The following TENM2 variants were observed in gnomAD, a reference collection of about 807,000 sequenced individuals.
The protein encoded by TENM2 is teneurin-2.
In TENM2, 52 loss-of-function variants were observed where a neutral mutation model predicts 245.2. The observed-to-expected ratio is 0.21, with a 90% CI of 0.17 to 0.27. TENM2 has a LOEUF of 0.27. TENM2 is among the 10% of genes least tolerant of loss of function. TENM2 has a pLI of 1.00. For missense variants in TENM2, 3,046 were observed against 3,666.8 expected, an observed-to-expected ratio of 0.83 and a Z score of 4.37; for synonymous variants, 1,363 against 1,438.9, an observed-to-expected ratio of 0.95 and a Z score of 1.19.
chr5:168,118,440 G>T (rs770729054), exon 10 of TENM2: 1 of 1,605,394 alleles, frequency 6.2e-7, no homozygotes, highest in Non-Finnish European at 8.5e-7. Context: ...GCATTGATGG[G>T]AACTGTGTCT....
At chr5:167,678,435 G>A (rs1173294782) in intron 2 of TENM2, among the ~76,000 whole-genome samples, 2 of 152,078 alleles carry the variant, frequency 1.3e-5, no homozygotes, top group Admixed American at 1.3e-4. Flanking sequence ...CTGAAGATTG[G>A]TAAAAATAGC....
chr5:167,489,723 C>T (rs528501882), intron 2 of TENM2, among the ~76,000 whole-genome samples: 6 of 152,114 alleles, frequency 3.9e-5, no homozygotes, highest in Non-Finnish European at 7.4e-5. Context: ...GTGCTAAGCA[C>T]AGTATGTACT....
intron 4 of TENM2, among the ~76,000 whole-genome samples, chr5:167,971,175 T>C (rs904287805): frequency 9.3e-5 from 14 of 150,180 alleles, no homozygotes; most frequent in African/African-American, 3.4e-4. Flanking sequence ...GAGACAGAGA[T>C]AGAGATAGAG....
chr5:167,494,175 T>C (rs908146207), intron 2 of TENM2, among the ~76,000 whole-genome samples: 2 of 152,126 alleles, frequency 1.3e-5, no homozygotes, highest in African/African-American at 4.8e-5. Context: ...AGCATTCTCA[T>C]GTGGAACTTC....
chr5:167,726,812 A>G (rs1449502811), intron 2 of TENM2, among the ~76,000 whole-genome samples: 1 of 152,076 alleles, frequency 6.6e-6, no homozygotes, highest in Non-Finnish European at 1.5e-5. Flanking sequence ...CTATGCCCAA[A>G]CCGTTGCTTT....
At chr5:167,697,819 C>G (rs1159141170) in intron 2 of TENM2, among the ~76,000 whole-genome samples, 2 of 152,114 alleles carry the variant, frequency 1.3e-5, no homozygotes, top group South Asian at 4.1e-4. Flanking sequence ...GCCACTGCAC[C>G]CAGCCAAGAG....
intron 12 of TENM2, among the ~76,000 whole-genome samples, chr5:168,148,686 G>C (rs1171219687): frequency 6.6e-6 from 1 of 152,070 alleles, no homozygotes; most frequent in Non-Finnish European, 1.5e-5. Flanking sequence ...GAGTGAAGAA[G>C]CAGGGGAGAA....
exon 19 of TENM2, chr5:168,204,448 T>C (rs1398295195): frequency 6.2e-7 from 1 of 1,613,980 alleles, no homozygotes; most frequent in Non-Finnish European, 8.5e-7. Context: ...TCATGGGCAA[T>C]GGTCGCCGCC....
At chr5:167,241,381 G>A in the TENM2 span, among the ~76,000 whole-genome samples, 1 of 152,100 alleles carries the variant, frequency 6.6e-6, no homozygotes, top group Non-Finnish European at 1.5e-5. Context: ...CAATATATAG[G>A]GTATTGTGAA....
intron 3 of TENM2, among the ~76,000 whole-genome samples, chr5:167,923,187 T>G (rs970011288): frequency 6.6e-6 from 1 of 151,332 alleles, no homozygotes; most frequent in African/African-American, 2.4e-5. Flanking sequence ...TAACTGGGAG[T>G]GGTGGTGTGT....
At chr5:167,445,328 T>G (rs868293574) in intron 2 of TENM2, among the ~76,000 whole-genome samples, 310 of 33,000 alleles carry the variant, frequency 9.4e-3, no homozygotes, top group Admixed American at 0.013. Context: ...TATATATATA[T>G]ATATATATAG....
Position 168,131,170 on chromosome 5 carries a change from A to G in TENM2, c.2422+4204A>G, listed in dbSNP as rs140371342. On this transcript the variant is annotated intron_variant, in intron 12 of 28. Coordinates refer to ENST00000518659, the Ensembl canonical transcript of TENM2. Reference sequence around the variant, plus strand: ...GGACTCTTGCAATTATCTCCTGAACATGGGCTACCCAGACATCTGCTCCGA... The same window carrying G: ...GGACTCTTGCAATTATCTCCTGAACGTGGGCTACCCAGACATCTGCTCCGA... 4.6e-3 allele frequency among the ~76,000 whole-genome samples: 705 copies of G among 152,292 alleles called. 3 individuals carry two copies. The highest frequency in any genetic ancestry group is 0.016 in the African/African-American group (673 of 41,568).
the TENM2 span, among the ~76,000 whole-genome samples, chr5:167,259,487 A>C: frequency 6.6e-6 from 1 of 152,354 alleles, no homozygotes; most frequent in Admixed American, 6.5e-5. Flanking sequence ...ATATGGCTAT[A>C]GGGATCACCT....
the TENM2 span, among the ~76,000 whole-genome samples, chr5:167,181,992 A>G: frequency 1.3e-5 from 2 of 152,202 alleles, no homozygotes; most frequent in East Asian, 1.9e-4. Flanking sequence ...TAAATAGCAG[A>G]TCTTATTTGA....
exon 29 of TENM2, chr5:168,262,477 G>T: frequency 6.4e-7 from 1 of 1,561,652 alleles, no homozygotes; most frequent in Non-Finnish European, 8.7e-7. Context: ...GGACTCGAAG[G>T]TTCACGAACA....
chr5:167,972,118 CA>C (rs1322220265), intron 4 of TENM2, among the ~76,000 whole-genome samples: 1 of 152,162 alleles, frequency 6.6e-6, no homozygotes, highest in Non-Finnish European at 1.5e-5. Context: ...TTTGTCTTTT[CA>C]GTTATTTTAT....
rs1046379831 is a variant in TENM2, at chr5:168,250,337, G to C, written c.7432+1966G>C. On this transcript the variant is annotated intron_variant, in intron 27 of 28. Transcript: ENST00000518659. ...TCCAAAGAGACCAGGGCCCCAAAGG[G>C]CTAACTTTCAGCAAGCAGGCTGGGG... Among the ~76,000 whole-genome samples, 4 of 152,068 alleles carry C rather than the reference G, an allele frequency of 2.6e-5. No individual in the cohort carries two copies. The South Asian group carries it at 8.3e-4, about 32-fold the overall frequency.
the TENM2 span, among the ~76,000 whole-genome samples, chr5:167,272,666 G>A: frequency 6.6e-6 from 1 of 152,080 alleles, no homozygotes; most frequent in African/African-American, 2.4e-5. Flanking sequence ...GGGGAAGAAA[G>A]GTGGTCACAT....
intron 1 of TENM2, among the ~76,000 whole-genome samples, chr5:167,291,818 G>A (rs1040539978): frequency 6.6e-6 from 1 of 152,182 alleles, no homozygotes; most frequent in Non-Finnish European, 1.5e-5. Flanking sequence ...ATGCTAGTGA[G>A]GCTGAAGTTT....
Sources: gnomAD v4.1 joint callset for allele counts (sites outside exome capture counted in the v4.1 genomes callset) on GRCh38, gnomAD v4.1.1 for gene constraint, MANE v1.5 for transcripts, NCBI Gene and HGNC (gene_info 2026-07-23, HGNC 2026-07-21) for gene names.